Variants in PALD1 observed in about 807,000 individuals in gnomAD.
PALD1 encodes the protein paladin.
A neutral mutation model predicts 96.0 loss-of-function variants in PALD1; 57 were observed. The ratio of observed to expected loss-of-function variants is 0.59; its 90% CI spans 0.48 to 0.74. PALD1 has a LOEUF of 0.74. PALD1 is among the 30% of genes least tolerant of loss of function. PALD1 has a pLI of 0.00. For missense variants in PALD1, 1,063 were observed against 1,143.7 expected (o/e 0.93, Z 1.02); for synonymous variants, 464 against 473.6 (o/e 0.98, Z 0.26).
At chr10:70,477,363 G>A (rs1470346510), upstream of PALD1, among the ~76,000 whole-genome samples, 3 of 152,212 alleles carry the variant, frequency 2.0e-5, no homozygotes, top group Admixed American at 6.5e-5. Context: ...GAGAACTTAC[G>A]TCACTTTTCC....
chr10:70,556,330 T>C (rs2132434830), intron 18 of PALD1, among the ~76,000 whole-genome samples: 2 of 129,370 alleles, frequency 1.5e-5, no homozygotes, highest in East Asian at 2.0e-4. Flanking sequence ...CTGTCTCTCT[T>C]TTTGAGATGG....
intron 3 of PALD1, 28 bp from the exon 4 acceptor site, chr10:70,529,861 T>C (rs1846955897): frequency 6.2e-7 from 1 of 1,607,684 alleles, no homozygotes; most frequent in African/African-American, 1.3e-5. Context: ...GCCATCTGAG[T>C]GACCTTCCTG....
Position 70,486,865 on chromosome 10 carries a change from C to T in PALD1, c.-30+7806C>T, listed in dbSNP as rs974428746. Among the ~76,000 whole-genome samples, 6 of 152,320 alleles carry T rather than the reference C, an allele frequency of 3.9e-5. No homozygotes were observed. The East Asian group carries it at 7.7e-4, about 20-fold the overall frequency. On this transcript the variant is annotated intron_variant, in intron 1 of 19. Transcript: ENST00000263563. ...GCCGGTGTGCTCCCTCCCTTCCTCC[C>T]GAGGCAGCCCTGTCTGCTGGAGCAC...
chr10:70,556,040 T>TC (rs964530432), intron 18 of PALD1, among the ~76,000 whole-genome samples: 1 of 151,868 alleles, frequency 6.6e-6, no homozygotes, highest in African/African-American at 2.4e-5. Context: ...CCAAAGTTGT[T>TC]CCCCAGAGAC....
At position 70,539,364 on chromosome 10, in the gene PALD1, A is replaced by G; in HGVS notation, c.1725+117A>G. ...CAGATGGAGAATCTGAGGCCCCGGG[A>G]GGAGCAGTGTCAGGGAGTGGCCAAC... On this transcript the variant is annotated intron_variant, in intron 14 of 19. Coordinates refer to ENST00000263563, the MANE Select transcript of PALD1 (RefSeq NM_014431.3). The surrounding 1 kb of genome is among the most constrained non-coding windows in gnomAD (Gnocchi z 4.5). 1 of 1,188,750 alleles carries G rather than the reference A, an allele frequency of 8.4e-7. No individual in the cohort carries two copies. The highest frequency in any genetic ancestry group is 1.2e-6 in the Non-Finnish European group (1 of 863,238). 73.6% of individuals were successfully genotyped at this position (1,188,750 alleles called of 1,614,324 possible).
Position 70,540,960 on chromosome 10 carries a change from T to G in PALD1, c.1909-142T>G. 1.2e-6 allele frequency: 1 copy of G among 863,152 alleles called. No homozygotes were observed. The highest frequency in any genetic ancestry group is 1.8e-6 in the Non-Finnish European group (1 of 559,450). 53.5% of individuals were successfully genotyped at this position (863,152 alleles called of 1,614,324 possible). A position where few individuals can be genotyped will look rare whatever the true frequency, so the allele number is the denominator to read the frequency against. On this transcript the variant is annotated intron_variant, in intron 15 of 19. Transcript: ENST00000263563. The surrounding 1 kb of genome is among the most constrained non-coding windows in gnomAD (Gnocchi z 4.2). ...CATGGTCTCATGCACCCCGGTGAGT[T>G]TTGTTTGTGTGTGCAAGCTTGGGAG...
rs1554862642 is a variant in PALD1 at position 70,556,288 on chromosome 10, C to CTCTCTCTCTCTCTCTCG, written c.2263-8060_2263-8059insGTCTCTCTCTCTCTCTC. On this transcript the variant is annotated intron_variant, in intron 18 of 19. Transcript: ENST00000263563. ...TTCTCAGTAGCCGAGACCTCTCTCT[C>CTCTCTCTCTCTCTCTCG]TCTCTCTCTCTCTCTCTCTGTCTCT... Among the ~76,000 whole-genome samples, 140 of 148,324 alleles carry CTCTCTCTCTCTCTCTCG rather than the reference C, an allele frequency of 9.4e-4. 3 individuals carry two copies. The South Asian group carries it at 0.028, about 30-fold the overall frequency.
rs369891292 is a variant in PALD1 at position 70,533,089 on chromosome 10, C to A, written c.870+19C>A. On this transcript the variant is annotated intron_variant, in intron 7 of 19. Coordinates refer to ENST00000263563, the MANE Select transcript of PALD1 (RefSeq NM_014431.3). Reference sequence around the variant, plus strand: ...TCTCCGGGTAACTGGGGCACGGGCGCGCATGGGGGAGGAGTCTTGAGAGTC... The same window carrying A: ...TCTCCGGGTAACTGGGGCACGGGCGAGCATGGGGGAGGAGTCTTGAGAGTC... The A allele has an allele frequency of 1.0e-5, 16 of 1,560,636 alleles. No individual in the cohort carries two copies. Among genetic ancestry groups the A allele is most frequent in the Middle Eastern group, 3.3e-4 (2 of 6,010 alleles).
chr10:70,463,132 T>C, the PALD1 span, among the ~76,000 whole-genome samples: 113 of 152,278 alleles, frequency 7.4e-4, 1 homozygote, highest in Non-Finnish European at 1.4e-3. Context: ...GCGCCGGTCA[T>C]GGTGGCTCAC....
intron 1 of PALD1, among the ~76,000 whole-genome samples, chr10:70,522,765 C>T (rs906501101): frequency 6.6e-6 from 1 of 152,204 alleles, no homozygotes; most frequent in Admixed American, 6.5e-5. Flanking sequence ...GACCCCTGTC[C>T]CTGGCAGGTG....
chr10:70,484,024 A>T (rs1369554797), intron 1 of PALD1, among the ~76,000 whole-genome samples: 1 of 152,110 alleles, frequency 6.6e-6, no homozygotes. Flanking sequence ...TTTTTTTGAG[A>T]TGGAGTCTCA....
chr10:70,533,169 G>A, intron 7 of PALD1, 99 bp downstream of exon 7: 2 of 927,666 alleles, frequency 2.2e-6, no homozygotes, highest in African/African-American at 1.6e-5. Flanking sequence ...TCAGAGGAAG[G>A]CTTCATTCTG....
chr10:70,537,694 G>A lies in PALD1; in HGVS notation c.1228-117G>A, dbSNP rs890036329. The A allele has an allele frequency of 8.9e-6, 6 of 676,882 alleles. No individual in the cohort carries two copies. The African/African-American group carries it at 1.1e-4, about 12-fold the overall frequency. 41.9% of individuals were successfully genotyped at this position (676,882 alleles called of 1,614,324 possible). ...AGCCTGGCAGAACTGTGTCATGAAG[G>A]GAGGGAAAGACTGTCTTCTGGGGAG... On this transcript the variant is annotated intron_variant, in intron 10 of 19. Transcript: ENST00000263563.
At chr10:70,482,328 G>GT (rs1845946472) in intron 1 of PALD1, among the ~76,000 whole-genome samples, 1 of 152,242 alleles carries the variant, frequency 6.6e-6, no homozygotes, top group Non-Finnish European at 1.5e-5. Flanking sequence ...GGGAGCCAGT[G>GT]TTTGCTAAGA....
intron 1 of PALD1, among the ~76,000 whole-genome samples, chr10:70,516,165 C>T (rs908365093): frequency 4.6e-5 from 7 of 152,180 alleles, no homozygotes; most frequent in Admixed American, 6.5e-5. Flanking sequence ...GAGTCTCGTT[C>T]TGTTGCCCAG....
chr10:70,529,103 G>T (rs1846932580), intron 2 of PALD1, 126 bp from the exon 3 acceptor site: 6 of 616,242 alleles, frequency 9.7e-6, no homozygotes, highest in East Asian at 2.8e-5. Flanking sequence ...GGGACAATGG[G>T]CAGTCTCTGC....
chr10:70,564,536 G>A lies in PALD1; in HGVS notation c.2418+17G>A. 1 of 1,610,742 alleles carries A rather than the reference G, an allele frequency of 6.2e-7. No individual in the cohort carries two copies. Among genetic ancestry groups the A allele is most frequent in the Non-Finnish European group, 8.5e-7 (1 of 1,178,438 alleles). On this transcript the variant is annotated intron_variant, in intron 19 of 19. Coordinates refer to ENST00000263563, the MANE Select transcript of PALD1 (RefSeq NM_014431.3). ...ATGCAGGAGGTGAGGGGAGGCTGAG[G>A]CCGAGAGGGGCCGGGGCGATGGCTC...
At chr10:70,466,044 G>A in the PALD1 span, among the ~76,000 whole-genome samples, 64 of 152,252 alleles carry the variant, frequency 4.2e-4, no homozygotes, top group African/African-American at 1.5e-3. Flanking sequence ...GAGGCTGGAG[G>A]GGAGAGGGGC....
chr10:70,526,047 C>A lies in PALD1; in HGVS notation c.96C>A (p.Ser32=). The A allele has an allele frequency of 6.2e-7, 1 of 1,614,140 alleles. No homozygotes were observed. Among genetic ancestry groups the A allele is most frequent in the Non-Finnish European group, 8.5e-7 (1 of 1,179,996 alleles). Residue 32 remains serine (S), a synonymous_variant, in exon 2 of 20, where the codon TCC becomes TCA. Coordinates refer to ENST00000263563, the MANE Select transcript of PALD1 (RefSeq NM_014431.3). ...GTGGCACGATGGACAGTCGGCACTC[C>A]GTCAGCATCCACTCCTTCCAGAGCA... ...QGSGTMDSRH[S]VSIHSFQSTS... is the part of the protein sequence containing the mutation.
Sources: allele counts gnomAD v4.1 joint callset (sites outside exome capture counted in the v4.1 genomes callset), GRCh38; gene constraint gnomAD v4.1.1; non-coding constraint Gnocchi (gnomAD v3.1); transcripts MANE v1.5; gene names NCBI Gene and HGNC (gene_info 2026-07-23, HGNC 2026-07-21).